The following KCNG3 variants were observed in gnomAD, a reference collection of about 807,000 sequenced individuals.
KCNG3 encodes the protein voltage-gated potassium channel regulatory subunit KCNG3.
Under a neutral mutation model 29.0 loss-of-function variants are expected in KCNG3, and 15 were observed. That is an observed-to-expected ratio of 0.52 (90% CI 0.35 to 0.80). KCNG3 has a LOEUF of 0.80. Among genes scored for constraint, KCNG3 ranks in the 30% least tolerant of loss-of-function variants. The pLI, the probability that KCNG3 is intolerant of heterozygous loss-of-function variation, is 0.01. For synonymous variants in KCNG3, 322 were observed against 248.9 expected, an observed-to-expected ratio of 1.29 and a Z score of -2.76; for missense variants, 512 against 605.7, an observed-to-expected ratio of 0.85 and a Z score of 1.62.
chr2:42,394,390 G>A, the KCNG3 span, among the ~76,000 whole-genome samples: 1 of 152,120 alleles, frequency 6.6e-6, no homozygotes, highest in Non-Finnish European at 1.5e-5. Flanking sequence ...CCTCCCACAG[G>A]GGAGTTTTCA....
At chr2:42,472,903 A>ATATTT (rs767058610) in intron 1 of KCNG3, among the ~76,000 whole-genome samples, 2 of 131,548 alleles carry the variant, frequency 1.5e-5, no homozygotes, top group African/African-American at 2.9e-5. Context: ...ATATATATAT[A>ATATTT]TTTTTTTTTT....
chr2:42,400,096 G>A, the KCNG3 span, among the ~76,000 whole-genome samples: 42 of 152,228 alleles, frequency 2.8e-4, no homozygotes, highest in Admixed American at 9.2e-4. Flanking sequence ...GCAACAGAAC[G>A]GGACCCTGTC....
At chr2:42,458,508 G>T (rs1411235900) in intron 1 of KCNG3, among the ~76,000 whole-genome samples, 1 of 151,716 alleles carries the variant, frequency 6.6e-6, no homozygotes, top group African/African-American at 2.4e-5. Context: ...AAATGCAAAG[G>T]CAACAATACC....
chr2:42,454,173 C>G (rs1282046300), intron 1 of KCNG3, among the ~76,000 whole-genome samples: 1 of 151,166 alleles, frequency 6.6e-6, no homozygotes, highest in Non-Finnish European at 1.5e-5. Flanking sequence ...GGTACATCCA[C>G]TATGCATAAC....
chr2:42,397,556 G>C, the KCNG3 span, among the ~76,000 whole-genome samples: 3 of 152,110 alleles, frequency 2.0e-5, no homozygotes, highest in Non-Finnish European at 4.4e-5. Context: ...AAAGAAAAAA[G>C]AGGCTTATAA....
the KCNG3 span, among the ~76,000 whole-genome samples, chr2:42,430,413 C>T: frequency 3.4e-5 from 5 of 146,766 alleles, no homozygotes; most frequent in African/African-American, 7.6e-5. Flanking sequence ...TAAATAAATA[C>T]GCTAACCAAC....
At chr2:42,467,963 CCT>C (rs1673186198) in intron 1 of KCNG3, among the ~76,000 whole-genome samples, 1 of 149,516 alleles carries the variant, frequency 6.7e-6, no homozygotes, top group Non-Finnish European at 1.5e-5. Flanking sequence ...AGAATGAGAC[CCT>C]GTCTCAAAAA....
chr2:42,489,167 A>G (rs958027528), intron 1 of KCNG3, among the ~76,000 whole-genome samples: 1 of 151,546 alleles, frequency 6.6e-6, no homozygotes, highest in East Asian at 2.0e-4. Flanking sequence ...TCGGCCTCCC[A>G]AAGTGCTGGG....
the KCNG3 span, among the ~76,000 whole-genome samples, chr2:42,423,219 CG>C: frequency 6.6e-6 from 1 of 152,228 alleles, no homozygotes; most frequent in African/African-American, 2.4e-5. Flanking sequence ...ATTATTGCTA[CG>C]GAAACCACTC....
At chr2:42,436,201 C>T in the KCNG3 span, among the ~76,000 whole-genome samples, 7 of 151,952 alleles carry the variant, frequency 4.6e-5, no homozygotes. Flanking sequence ...TCCACAGAGA[C>T]AGAAAGTAGA....
At chr2:42,440,865 C>T (rs1672458715), downstream of KCNG3, among the ~76,000 whole-genome samples, 1 of 152,168 alleles carries the variant, frequency 6.6e-6, no homozygotes, top group Non-Finnish European at 1.5e-5. Context: ...AAACAAGTTA[C>T]ATATTAGATC....
intron 1 of KCNG3, among the ~76,000 whole-genome samples, chr2:42,458,585 T>C (rs181652524): frequency 9.2e-5 from 14 of 152,304 alleles, no homozygotes; most frequent in Admixed American, 9.2e-4. Context: ...CTGTGAAAAA[T>C]TACAGGCAAT....
chr2:42,488,016 T>A (rs1673772085), intron 1 of KCNG3, among the ~76,000 whole-genome samples: 1 of 152,194 alleles, frequency 6.6e-6, no homozygotes, highest in African/African-American at 2.4e-5. Flanking sequence ...TTTGTAAATA[T>A]ATATAATGTA....
At chr2:42,423,780 GCA>G in the KCNG3 span, among the ~76,000 whole-genome samples, 1 of 146,332 alleles carries the variant, frequency 6.8e-6, no homozygotes, top group Non-Finnish European at 1.5e-5. Context: ...CTAGAGCCTC[GCA>G]CAGTCGGAAA....
the KCNG3 span, among the ~76,000 whole-genome samples, chr2:42,427,220 G>C: frequency 2.2e-4 from 34 of 152,286 alleles, no homozygotes; most frequent in African/African-American, 7.9e-4. Flanking sequence ...TGAAACTAAA[G>C]AAAGAGGTCT....
At chr2:42,432,150 G>T in the KCNG3 span, among the ~76,000 whole-genome samples, 1 of 152,126 alleles carries the variant, frequency 6.6e-6, no homozygotes, top group Non-Finnish European at 1.5e-5. Flanking sequence ...CCCGTTGATG[G>T]TCATCTCTGT....
chr2:42,430,367 T>A, the KCNG3 span, among the ~76,000 whole-genome samples: 2 of 26,274 alleles, frequency 7.6e-5, no homozygotes, highest in Admixed American at 2.3e-4. Context: ...GTCTTAAAAA[T>A]AAATAAATAA....
intron 1 of KCNG3, among the ~76,000 whole-genome samples, chr2:42,468,226 CTG>C (rs1289024249): frequency 6.6e-6 from 1 of 152,206 alleles, no homozygotes; most frequent in Admixed American, 6.5e-5. Context: ...GTTGCAAAGA[CTG>C]TCTTTATTTC....
At chr2:42,456,978 C>T (rs1174642901) in intron 1 of KCNG3, among the ~76,000 whole-genome samples, 3 of 152,096 alleles carry the variant, frequency 2.0e-5, no homozygotes, top group Non-Finnish European at 4.4e-5. Flanking sequence ...TTCTTACACA[C>T]TTTAATTATC....
Sources: allele counts gnomAD v4.1 joint callset (sites outside exome capture counted in the v4.1 genomes callset), GRCh38; gene constraint gnomAD v4.1.1; transcripts MANE v1.5; gene names NCBI Gene and HGNC (gene_info 2026-07-23, HGNC 2026-07-21).